Variants in POC1B observed in about 807,000 individuals in gnomAD.
The protein encoded by POC1B is POC1 centriolar protein homolog B.
POC1B carries 44 observed loss-of-function variants against 60.6 expected under a neutral mutation model. That is an observed-to-expected ratio of 0.73 (90% CI 0.57 to 0.93). The LOEUF is 0.93. Ranked by LOEUF, POC1B falls within the 40% of genes least tolerant of loss-of-function variation. The pLI is 0.00. For synonymous variants in POC1B, 180 were observed against 198.9 expected, an observed-to-expected ratio of 0.90 and a Z score of 0.80; for missense variants, 555 against 572.3, an observed-to-expected ratio of 0.97 and a Z score of 0.31.
At chr12:89,418,637 C>A (rs537738351), downstream of POC1B, among the ~76,000 whole-genome samples, 94 of 152,194 alleles carry the variant, frequency 6.2e-4, no homozygotes, top group African/African-American at 1.9e-3. Context: ...GTGCCCTCCT[C>A]GAAGTAGAGA....
At chr12:89,409,626 AC>A in the POC1B span, among the ~76,000 whole-genome samples, 1 of 152,234 alleles carries the variant, frequency 6.6e-6, no homozygotes, top group East Asian at 1.9e-4. Flanking sequence ...AGGGGAGCTC[AC>A]CACTGATCCG....
intron 3 of POC1B, among the ~76,000 whole-genome samples, chr12:89,493,144 T>C (rs1273229196): frequency 6.6e-6 from 1 of 152,164 alleles, no homozygotes; most frequent in Non-Finnish European, 1.5e-5. Flanking sequence ...CCTTTGCACT[T>C]ACTGCTTTCT....
intron 2 of POC1B, among the ~76,000 whole-genome samples, chr12:89,511,013 C>G (rs904446533): frequency 2.0e-5 from 3 of 151,906 alleles, no homozygotes; most frequent in African/African-American, 2.4e-5. Flanking sequence ...CTTCGGCCCC[C>G]CAAAGTGCTG....
intron 4 of POC1B, among the ~76,000 whole-genome samples, chr12:89,473,393 G>C (rs1026006285): frequency 1.3e-5 from 2 of 152,192 alleles, no homozygotes; most frequent in African/African-American, 2.4e-5. Context: ...CAAGAAGTCT[G>C]GGTGCAGTGG....
intron 1 of POC1B, 137 bp from the exon 2 acceptor site, chr12:89,525,341 G>A (rs2135785401): frequency 7.0e-7 from 1 of 1,437,348 alleles, no homozygotes; most frequent in Non-Finnish European, 9.1e-7. Context: ...CGGCGGGGCC[G>A]GGCAGCAGCC....
intron 10 of POC1B, among the ~76,000 whole-genome samples, chr12:89,434,063 T>C (rs1881150648): frequency 6.6e-6 from 1 of 152,246 alleles, no homozygotes; most frequent in African/African-American, 2.4e-5. Context: ...CATACTCATC[T>C]GATCAAGTCT....
At chr12:89,469,053 T>C (rs1027394336) in intron 7 of POC1B, among the ~76,000 whole-genome samples, 1 of 152,148 alleles carries the variant, frequency 6.6e-6, no homozygotes, top group Admixed American at 6.5e-5. Flanking sequence ...TTACCTGAGG[T>C]CAGGAGTTCA....
chr12:89,442,140 G>C (rs1881552014), intron 10 of POC1B, among the ~76,000 whole-genome samples: 1 of 152,204 alleles, frequency 6.6e-6, no homozygotes, highest in African/African-American at 2.4e-5. Context: ...TGGTGTACCG[G>C]AAAGTGATGG....
At chr12:89,451,061 G>A (rs938119325) in intron 10 of POC1B, among the ~76,000 whole-genome samples, 1 of 149,164 alleles carries the variant, frequency 6.7e-6, no homozygotes, top group African/African-American at 2.4e-5. Flanking sequence ...AGACACTCAA[G>A]AGTTCCCTTG....
the POC1B span, among the ~76,000 whole-genome samples, chr12:89,404,630 T>C: frequency 3.3e-5 from 5 of 152,182 alleles, no homozygotes; most frequent in African/African-American, 2.4e-5. Flanking sequence ...AGATCTCAGC[T>C]CTAGGCTCAG....
At position 89,525,714 on chromosome 12, in the gene POC1B, C is replaced by G. The variant is rs2135786280; in HGVS notation, c.15+167G>C. On this transcript the variant is annotated intron_variant, in intron 1 of 11. Transcript: ENST00000313546. The stretch of plus-strand genomic sequence containing the variant: ...TCTGGGTTCCGCACTCCGTCCGCCC[C>G]GATGGCAGAGAGTGAGATACGGACG... 16 of 1,260,644 alleles carry G rather than the reference C, an allele frequency of 1.3e-5. No individual in the cohort carries two copies. In the South Asian group the frequency reaches 3.4e-4, roughly 27 times the overall value. 78.1% of individuals were successfully genotyped at this position (1,260,644 alleles called of 1,614,324 possible).
At chr12:89,418,860 T>C (rs1235444784), downstream of POC1B, among the ~76,000 whole-genome samples, 1 of 152,146 alleles carries the variant, frequency 6.6e-6, no homozygotes, top group Non-Finnish European at 1.5e-5. Flanking sequence ...CTCTTTTCTT[T>C]ATAAATTATC....
downstream of POC1B, among the ~76,000 whole-genome samples, chr12:89,418,135 T>G (rs1390052783): frequency 6.6e-6 from 1 of 152,104 alleles, no homozygotes; most frequent in Non-Finnish European, 1.5e-5. Flanking sequence ...GAGGGTCACT[T>G]GGGCAGTCAG....
At chr12:89,485,859 C>T (rs1868608628) in intron 4 of POC1B, among the ~76,000 whole-genome samples, 1 of 152,150 alleles carries the variant, frequency 6.6e-6, no homozygotes, top group African/African-American at 2.4e-5. Context: ...TTTGCACAAC[C>T]CCTGACCCTT....
chr12:89,525,542 G>A lies in POC1B; in HGVS notation c.16-338C>T, dbSNP rs540140809. 166 of 1,299,022 alleles carry A rather than the reference G, an allele frequency of 1.3e-4. No homozygotes were observed. The East Asian group carries it at 4.8e-3, about 37-fold the overall frequency. 80.5% of individuals were successfully genotyped at this position (1,299,022 alleles called of 1,614,324 possible). On this transcript the variant is annotated intron_variant, in intron 1 of 11. Coordinates refer to ENST00000313546, the MANE Select transcript of POC1B (RefSeq NM_172240.3). The stretch of plus-strand genomic sequence containing the variant: ...CAGGCAGGTGCGAGGATGCGCCTCG[G>A]CTTTGGTACTTTTTTTTTTTTTAAT...
At chr12:89,522,934 A>C (rs762804456) in intron 2 of POC1B, 1 of 1,614,036 alleles carries the variant, frequency 6.2e-7, no homozygotes, top group South Asian at 1.1e-5. Flanking sequence ...TGGGTGAAAA[A>C]TAGTTCCATC....
intron 10 of POC1B, among the ~76,000 whole-genome samples, chr12:89,453,673 T>C (rs1481861258): frequency 6.6e-6 from 1 of 152,218 alleles, no homozygotes; most frequent in Non-Finnish European, 1.5e-5. Flanking sequence ...AGTTGTAAGT[T>C]TTAGTTTTAA....
intron 10 of POC1B, among the ~76,000 whole-genome samples, chr12:89,449,224 C>G (rs997535576): frequency 2.0e-5 from 3 of 152,104 alleles, no homozygotes; most frequent in African/African-American, 7.2e-5. Flanking sequence ...TGCTGTGTGT[C>G]TGTGAGGAAG....
Position 89,423,281 on chromosome 12 carries a change from C to T in POC1B, c.1332+1880G>A, listed in dbSNP as rs374825572. Among the ~76,000 whole-genome samples the T allele has an allele frequency of 3.4e-4, 51 of 152,200 alleles. No homozygotes were observed. In the South Asian group the frequency reaches 0.01, roughly 31 times the overall value. The stretch of plus-strand genomic sequence containing the variant: ...AGGAGTTTTAGACGAGCCTAGGCAA[C>T]ATAGCGAGACACTGTCTCTAAATAA... On this transcript the variant is annotated intron_variant, in intron 11 of 11. Coordinates refer to ENST00000313546, the MANE Select transcript of POC1B (RefSeq NM_172240.3).
Sources: allele counts gnomAD v4.1 joint callset (sites outside exome capture counted in the v4.1 genomes callset), GRCh38; gene constraint gnomAD v4.1.1; transcripts MANE v1.5; gene names NCBI Gene and HGNC (gene_info 2026-07-23, HGNC 2026-07-21).